CCDC198: variants seen among roughly 807,000 people sequenced by gnomAD.
CCDC198 encodes factor associated with metabolism and energy.
CCDC198 carries 18 observed loss-of-function variants against 35.6 expected under a neutral mutation model. The ratio of observed to expected loss-of-function variants is 0.51; its 90% CI spans 0.35 to 0.75. CCDC198 has a LOEUF of 0.75. CCDC198 is among the 30% of genes least tolerant of loss of function. The probability of loss-of-function intolerance (pLI) is 0.01; values close to 1 mark genes in which losing one functional copy is unlikely to be tolerated. For synonymous variants in CCDC198, 119 were observed against 113.4 expected (o/e 1.05, Z -0.31); for missense variants, 365 against 343.7 (o/e 1.06, Z -0.49).
At chr14:57,485,782 G>T (rs2067340015) in intron 2 of CCDC198, among the ~76,000 whole-genome samples, 1 of 152,214 alleles carries the variant, frequency 6.6e-6, no homozygotes, top group African/African-American at 2.4e-5. Flanking sequence ...CAAGGGGGAA[G>T]AGCTCATCTT....
At chr14:57,488,278 C>T (rs1454760067) in intron 2 of CCDC198, among the ~76,000 whole-genome samples, 1 of 152,140 alleles carries the variant, frequency 6.6e-6, no homozygotes, top group Non-Finnish European at 1.5e-5. Flanking sequence ...TTCCCTGAAG[C>T]TTAGGTGTCT....
At chr14:57,479,927 G>A (rs2067126758) in intron 5 of CCDC198, among the ~76,000 whole-genome samples, 1 of 152,168 alleles carries the variant, frequency 6.6e-6, no homozygotes, top group Non-Finnish European at 1.5e-5. Context: ...GGCTGTAGCT[G>A]GAGCCCTGGT....
Position 57,483,785 on chromosome 14 carries a change from G to A in CCDC198, c.307-634C>T, listed in dbSNP as rs1158030243. ...CCTCCAGCCGGATCTTGATCACTGA[G>A]AAGTGATCAAGCAGGTTTGGGAGAC... On this transcript the variant is annotated intron_variant, in intron 2 of 5. Transcript: ENST00000216445. Among the ~76,000 whole-genome samples, 5 of 152,314 alleles carry A rather than the reference G, an allele frequency of 3.3e-5. No homozygotes were observed. The East Asian group carries it at 7.7e-4, about 24-fold the overall frequency.
intron 2 of CCDC198, 188 bp from the exon 3 acceptor site, chr14:57,483,339 C>T: frequency 2.6e-6 from 2 of 773,328 alleles, no homozygotes; most frequent in South Asian, 3.7e-5. Context: ...TATCTGGGTT[C>T]TTTATTATTC....
intron 2 of CCDC198, among the ~76,000 whole-genome samples, chr14:57,490,595 A>G (rs1354612293): frequency 6.6e-6 from 1 of 152,144 alleles, no homozygotes; most frequent in African/African-American, 2.4e-5. Flanking sequence ...ATAGGTGGCT[A>G]AGAAGATTAA....
chr14:57,476,512 C>T (rs1177503137), intron 5 of CCDC198, among the ~76,000 whole-genome samples: 1 of 152,148 alleles, frequency 6.6e-6, no homozygotes, highest in Non-Finnish European at 1.5e-5. Context: ...TAGACTTGTA[C>T]ACCAAAAAGA....
rs185701045 is a variant in CCDC198 at position 57,471,602 on chromosome 14, T to C, written c.656-12A>G. 7.0e-7 allele frequency: 1 copy of C among 1,434,482 alleles called. No homozygotes were observed. The highest frequency in any genetic ancestry group is 9.5e-7 in the Non-Finnish European group (1 of 1,049,554). 88.9% of individuals were successfully genotyped at this position (1,434,482 alleles called of 1,614,324 possible). A position where few individuals can be genotyped will look rare whatever the true frequency, so the allele number is the denominator to read the frequency against. On this transcript the variant is annotated splice_polypyrimidine_tract_variant and intron_variant, in intron 5 of 5. Coordinates refer to ENST00000216445, the MANE Select transcript of CCDC198 (RefSeq NM_018168.4). ...ATTCTTTGAATTTCCTACAAAAAAA[T>C]TAAGTTTCTTTAATTTTTTCCCTTA...
chr14:57,479,066 T>C, intron 5 of CCDC198: 1 of 1,253,410 alleles, frequency 8.0e-7, no homozygotes, highest in Non-Finnish European at 1.0e-6. Flanking sequence ...GGGGCTCTAA[T>C]TGGTGGGGCA....
intron 5 of CCDC198, chr14:57,475,429 G>C (rs2066950765): frequency 8.3e-7 from 1 of 1,204,290 alleles, no homozygotes; most frequent in Non-Finnish European, 1.1e-6. Context: ...GCATATGACT[G>C]TTTTCACTAT....
Position 57,479,040 on chromosome 14 carries a change from A to T in CCDC198, c.655+1555T>A, listed in dbSNP as rs1053556827. 2.3e-6 allele frequency: 3 copies of T among 1,288,160 alleles called. No individual in the cohort carries two copies. The Admixed American group carries it at 6.9e-5, about 30-fold the overall frequency. The allele number at this position is 1,288,160 out of a possible 1,614,324, so 79.8% of individuals were successfully genotyped here. On this transcript the variant is annotated intron_variant, in intron 5 of 5. Transcript: ENST00000216445. ...GTGGGTTTGCCCTGGGGAAATACAA[A>T]CAAGGAAAACTTAATGGGGCTCTAA...
At chr14:57,478,577 G>A (rs2067078624) in intron 5 of CCDC198, 3 of 988,340 alleles carry the variant, frequency 3.0e-6, no homozygotes, top group Middle Eastern at 5.2e-4. Flanking sequence ...CATCTTCCAG[G>A]GACTTTGCCA....
intron 5 of CCDC198, among the ~76,000 whole-genome samples, chr14:57,475,073 A>T (rs894615813): frequency 2.6e-5 from 4 of 152,190 alleles, no homozygotes; most frequent in South Asian, 4.1e-4. Flanking sequence ...CATCTTGGCT[A>T]ACACAGTGAA....
chr14:57,471,187 G>T lies in CCDC198; in HGVS notation c.*168C>A. 1 of 569,292 alleles carries T rather than the reference G, an allele frequency of 1.8e-6. No individual in the cohort carries two copies. The highest frequency in any genetic ancestry group is 4.7e-4 in the Middle Eastern group (1 of 2,110). 35.3% of individuals were successfully genotyped at this position (569,292 alleles called of 1,614,324 possible). A position where few individuals can be genotyped will look rare whatever the true frequency, so the allele number is the denominator to read the frequency against. ...TGAGGCATTTAGTTATGCAGCAATA[G>T]TTAACAGCACATGTGACGGACTTGT... On this transcript the variant is annotated 3_prime_UTR_variant, in exon 6 of 6. Transcript: ENST00000216445.
chr14:57,476,991 G>A (rs1007185430), intron 5 of CCDC198, among the ~76,000 whole-genome samples: 2 of 152,228 alleles, frequency 1.3e-5, no homozygotes, highest in Non-Finnish European at 1.5e-5. Context: ...CAGGTGCCCC[G>A]TGAGTGCACG....
chr14:57,478,160 C>T (rs900598261), intron 5 of CCDC198, among the ~76,000 whole-genome samples: 45 of 152,186 alleles, frequency 3.0e-4, no homozygotes, highest in Admixed American at 2.9e-3. Context: ...CAAAGTCTGC[C>T]AGCTGCTTTA....
At chr14:57,487,990 A>C (rs983974338) in intron 2 of CCDC198, among the ~76,000 whole-genome samples, 1 of 152,178 alleles carries the variant, frequency 6.6e-6, no homozygotes, top group Non-Finnish European at 1.5e-5. Context: ...TATCTACTGC[A>C]TGAGCATATC....
chr14:57,477,470 T>G (rs1188495639), intron 5 of CCDC198, among the ~76,000 whole-genome samples: 1 of 145,784 alleles, frequency 6.9e-6, no homozygotes, highest in Non-Finnish European at 1.5e-5. Flanking sequence ...TCTAGGCTCA[T>G]TTTGTCACGT....
rs1330489634 is a variant in CCDC198, at chr14:57,480,839, T to C, written c.496-85A>G. The C allele has an allele frequency of 6.4e-6, 9 of 1,416,702 alleles. No individual in the cohort carries two copies. In the Middle Eastern group the frequency reaches 5.5e-4, roughly 86 times the overall value. The allele number at this position is 1,416,702 out of a possible 1,614,324, so 87.8% of individuals were successfully genotyped here. On this transcript the variant is annotated intron_variant, in intron 4 of 5. Coordinates refer to ENST00000216445, the MANE Select transcript of CCDC198 (RefSeq NM_018168.4). ...ATCAACAGATCAGCCACTTTGCAAG[T>C]TGTGTGCTTATCTGTAGACATCTGC...
intron 5 of CCDC198, among the ~76,000 whole-genome samples, chr14:57,476,337 G>C (rs1224144406): frequency 2.0e-5 from 3 of 152,040 alleles, no homozygotes; most frequent in Non-Finnish European, 4.4e-5. Context: ...CTATTCTAGG[G>C]ACAAGAAAAG....
Sources: allele counts gnomAD v4.1 joint callset (sites outside exome capture counted in the v4.1 genomes callset), GRCh38; gene constraint gnomAD v4.1.1; transcripts MANE v1.5; gene names NCBI Gene and HGNC (gene_info 2026-07-23, HGNC 2026-07-21).